Variants in MRE11 observed in about 807,000 individuals in gnomAD.
MRE11 encodes MRE11 double strand break repair nuclease, also known as double-strand break repair protein MRE11.
In MRE11, 62 loss-of-function variants were observed where a neutral mutation model predicts 91.7. The ratio of observed to expected loss-of-function variants is 0.68; its 90% CI spans 0.55 to 0.84. The LOEUF (loss-of-function observed/expected upper bound fraction) is 0.84. Among genes scored for constraint, MRE11 ranks in the 40% least tolerant of loss-of-function variants. The pLI is 0.00. For synonymous variants in MRE11, 273 were observed against 271.4 expected, an observed-to-expected ratio of 1.01 and a Z score of -0.06; for missense variants, 796 against 852.9, an observed-to-expected ratio of 0.93 and a Z score of 0.83.
chr11:94,456,338 C>T lies in MRE11; in HGVS notation c.1501G>A (p.Val501Ile). 2 of 1,611,280 alleles carry T rather than the reference C, an allele frequency of 1.2e-6. No individual in the cohort carries two copies. The highest frequency in any genetic ancestry group is 1.7e-6 in the Non-Finnish European group (2 of 1,177,860). The change falls in exon 14 of 20, where the codon GTA becomes ATA. Residue 501 changes from valine to isoleucine, a missense_variant and splice_region_variant. Transcript: ENST00000323929. ...DALEDKIDEE[V>I]RRFRETRQKN... ...TGTCTGGTTTCTCTGAAACGACGTACCTAGATCATAACAGAGTAAATCACA... is the reference window on the plus strand; with the variant it reads ...TGTCTGGTTTCTCTGAAACGACGTATCTAGATCATAACAGAGTAAATCACA...
In MRE11 at chr11:94,470,530, T is replaced by G. The variant is rs762210984; in HGVS notation, c.958A>C (p.Ile320Leu). 1.9e-6 allele frequency: 3 copies of G among 1,613,198 alleles called. No individual in the cohort carries two copies. The highest frequency in any genetic ancestry group is 2.7e-5 in the African/African-American group (2 of 74,870). The change falls in exon 9 of 20, where the codon ATT (isoleucine) becomes CTT (leucine). Residue 320 changes from isoleucine (I) to leucine (L), a missense_variant. Coordinates refer to ENST00000323929, the MANE Select transcript of MRE11 (RefSeq NM_005591.4). Reference sequence around the variant, plus strand: ...ACTTTAGGATTATCTGGGTTAAAAATGTCTGGATGATTAGCTAGAACAATA... The same window carrying G: ...ACTTTAGGATTATCTGGGTTAAAAAGGTCTGGATGATTAGCTAGAACAATA... Reference protein sequence around the residue: ...EDIVLANHPDIFNPDNPKVTQ... With the variant: ...EDIVLANHPDLFNPDNPKVTQ...
intron 13 of MRE11, among the ~76,000 whole-genome samples, chr11:94,458,672 C>T (rs1250827363): frequency 3.9e-5 from 6 of 152,090 alleles, no homozygotes; most frequent in East Asian, 3.9e-4. Context: ...GCTATTCAAA[C>T]GTAATACTAC....
chr11:94,451,289 G>GA (rs931018116), intron 14 of MRE11, among the ~76,000 whole-genome samples: 1 of 151,656 alleles, frequency 6.6e-6, no homozygotes, highest in Non-Finnish European at 1.5e-5. Context: ...TCCAAGGTGG[G>GA]AAAAAAACAG....
chr11:94,472,943 C>T (rs1450154063), intron 7 of MRE11: 3 of 151,968 alleles, frequency 2.0e-5, no homozygotes, highest in Admixed American at 6.6e-5. Flanking sequence ...GTGATAGGTG[C>T]TGTAAAGAAA....
the MRE11 span, among the ~76,000 whole-genome samples, chr11:94,508,019 G>T: frequency 2.4e-4 from 36 of 152,140 alleles, no homozygotes; most frequent in Admixed American, 6.5e-4. Context: ...GCCCAGGCTG[G>T]AGTGCACTGG....
rs560102780 is a variant in MRE11, at chr11:94,459,495, C to T, written c.1413G>A (p.Glu471=). The part of the protein sequence containing the change: ...FVDKEEKDAI[E]ELVKYQLEKT... The stretch of plus-strand genomic sequence containing the variant: ...TTTCCAACTGGTATTTCACTAATTC[C>T]TCAATGGCATCTTTCTCCTCCTTGT... The change falls in exon 13 of 20, where the codon GAG becomes GAA. Residue 471 remains glutamate (E), a synonymous_variant. Coordinates refer to ENST00000323929, the MANE Select transcript of MRE11 (RefSeq NM_005591.4). The T allele has an allele frequency of 1.5e-5, 25 of 1,614,012 alleles. No individual in the cohort carries two copies. In the African/African-American group the frequency reaches 1.7e-4, roughly 11 times the overall value.
At chr11:94,440,134 T>C (rs1032809730) in intron 16 of MRE11, among the ~76,000 whole-genome samples, 4 of 152,186 alleles carry the variant, frequency 2.6e-5, no homozygotes, top group Non-Finnish European at 5.9e-5. Flanking sequence ...AAAGGTACCA[T>C]AATAAGATTT....
intron 4 of MRE11, among the ~76,000 whole-genome samples, chr11:94,483,458 GCTGTT>G: frequency 6.6e-6 from 1 of 152,270 alleles, no homozygotes; most frequent in Non-Finnish European, 1.5e-5. Context: ...CCTTTCCTGT[GCTGTT>G]CTGGTGATAG....
chr11:94,435,518 T>C (rs899672540), intron 18 of MRE11, among the ~76,000 whole-genome samples: 1 of 152,030 alleles, frequency 6.6e-6, no homozygotes, highest in Non-Finnish European at 1.5e-5. Context: ...ATCGCACTAC[T>C]GCACTCCAGT....
At chr11:94,481,733 A>G (rs1016046473) in intron 4 of MRE11, among the ~76,000 whole-genome samples, 3 of 152,198 alleles carry the variant, frequency 2.0e-5, no homozygotes, top group Admixed American at 6.5e-5. Context: ...TAGAGTTTCT[A>G]TTCTCTTTCA....
intron 14 of MRE11, among the ~76,000 whole-genome samples, chr11:94,449,540 GA>G (rs1269197934): frequency 6.6e-6 from 1 of 152,172 alleles, no homozygotes; most frequent in Non-Finnish European, 1.5e-5. Flanking sequence ...AGCTGAGGCT[GA>G]ACAATGAGCC....
Position 94,485,949 on chromosome 11 carries a change from G to T in MRE11, c.289C>A (p.Gln97Lys). Residue 97 changes from glutamine (Q) to lysine (K), a missense_variant, in exon 4 of 20, where the codon CAG (glutamine) becomes AAG (lysine). Gln to Lys is a moderately conservative substitution (Grantham distance 53). Transcript: ENST00000323929. ...TTACTAAAACCAAAGTTGACTGACTGATCACTGAGAATTTCAAACTGGACA... is the reference window on the plus strand; with the variant it reads ...TTACTAAAACCAAAGTTGACTGACTTATCACTGAGAATTTCAAACTGGACA... The part of the protein sequence containing the change: ...RPVQFEILSD[Q>K]SVNFGFSKFP... 1 of 1,613,182 alleles carries T rather than the reference G, an allele frequency of 6.2e-7. No homozygotes were observed. Among genetic ancestry groups the T allele is most frequent in the South Asian group, 1.1e-5 (1 of 91,020 alleles).
At chr11:94,481,185 T>A (rs1293679972) in intron 4 of MRE11, among the ~76,000 whole-genome samples, 1 of 152,090 alleles carries the variant, frequency 6.6e-6, no homozygotes, top group Non-Finnish European at 1.5e-5. Context: ...GGCACATGCC[T>A]GTAGTCCCAG....
intron 2 of MRE11, among the ~76,000 whole-genome samples, chr11:94,492,468 A>T (rs1023391204): frequency 6.6e-6 from 1 of 152,240 alleles, no homozygotes; most frequent in African/African-American, 2.4e-5. Flanking sequence ...GCATTGACTA[A>T]TAAGAATTTG....
At position 94,416,689 on chromosome 11, in the gene MRE11, CAAAAAAAA is replaced by C. The variant is rs1204954166; in HGVS notation, c.*3428_*3435del. ...AAAAACCCTGTCTCTACTAAAAATACAAAAAAAAAAAAAAAAAAATTAGCCAGGCGTGG... is the reference window on the plus strand; with the variant it reads ...AAAAACCCTGTCTCTACTAAAAATACAAAAAAAAAAATTAGCCAGGCGTGG... On this transcript the variant is annotated 3_prime_UTR_variant, in exon 20 of 20. Coordinates refer to ENST00000323929, the MANE Select transcript of MRE11 (RefSeq NM_005591.4). The C allele has an allele frequency of 4.1e-5, 4 of 96,636 alleles. No individual in the cohort carries two copies. The highest frequency in any genetic ancestry group is 6.7e-5 in the Non-Finnish European group (3 of 45,082). 6.0% of individuals were successfully genotyped at this position (96,636 alleles called of 1,614,324 possible).
intron 14 of MRE11, among the ~76,000 whole-genome samples, chr11:94,452,709 T>C (rs1303862308): frequency 2.0e-5 from 3 of 152,226 alleles, no homozygotes; most frequent in African/African-American, 7.2e-5. Flanking sequence ...TGGAATGTAT[T>C]ACTTCTAAGA....
chr11:94,501,771 C>T, the MRE11 span, among the ~76,000 whole-genome samples: 23 of 151,132 alleles, frequency 1.5e-4, no homozygotes, highest in Admixed American at 1.5e-3. Context: ...AAAAAAAAAA[C>T]CCCTCGGTTT....
intron 9 of MRE11, among the ~76,000 whole-genome samples, chr11:94,468,258 A>T (rs12292208): frequency 0.048 from 7,276 of 152,318 alleles, 438 homozygotes; most frequent in African/African-American, 0.14. Flanking sequence ...TTTAGGGATC[A>T]ATAAGCAAGG....
rs1945060242 is a variant in MRE11, at chr11:94,417,523, C to T, written c.*2602G>A. 1.3e-5 allele frequency: 3 copies of T among 232,988 alleles called. No individual in the cohort carries two copies. The highest frequency in any genetic ancestry group is 5.6e-5 in the Admixed American group (1 of 17,800). 14.4% of individuals were successfully genotyped at this position (232,988 alleles called of 1,614,324 possible). A position where few individuals can be genotyped will look rare whatever the true frequency, so the allele number is the denominator to read the frequency against. On this transcript the variant is annotated 3_prime_UTR_variant, in exon 20 of 20. Coordinates refer to ENST00000323929, the MANE Select transcript of MRE11 (RefSeq NM_005591.4). ...AAGTTTATTGCAACTACACTAACTT[C>T]GTAATTTTAGATTTGCAGTTGCATC...
Sources: gnomAD v4.1 joint callset for allele counts (sites outside exome capture counted in the v4.1 genomes callset) on GRCh38, gnomAD v4.1.1 for gene constraint, MANE v1.5 for transcripts, NCBI Gene and HGNC (gene_info 2026-07-23, HGNC 2026-07-21) for gene names.